Variants in VPS45 observed in about 807,000 individuals in gnomAD.
VPS45 encodes the protein vacuolar protein sorting 45 homolog.
VPS45 carries 35 observed loss-of-function variants against 75.9 expected under a neutral mutation model. That is an observed-to-expected ratio of 0.46 (90% CI 0.35 to 0.61). VPS45 has a LOEUF of 0.61. Among genes scored for constraint, VPS45 ranks in the 20% least tolerant of loss-of-function variants. The pLI, the probability that VPS45 is intolerant of heterozygous loss-of-function variation, is 0.00. For synonymous variants in VPS45, 220 were observed against 238.2 expected, an observed-to-expected ratio of 0.92 and a Z score of 0.70; for missense variants, 559 against 685.9, an observed-to-expected ratio of 0.81 and a Z score of 2.07.
chr1:150,112,506 C>CAGAAATATTACAGTG (rs1559929602), intron 14 of VPS45, among the ~76,000 whole-genome samples: 3 of 152,262 alleles, frequency 2.0e-5, no homozygotes, highest in Admixed American at 2.0e-4. Context: ...ATAACTTCTA[C>CAGAAATATTACAGTG]AGAAATATTA....
intron 10 of VPS45, among the ~76,000 whole-genome samples, chr1:150,085,029 G>A (rs1655929472): frequency 1.3e-5 from 2 of 152,032 alleles, no homozygotes; most frequent in African/African-American, 4.8e-5. Flanking sequence ...AGAACCTAAA[G>A]TCGCATTCTT....
At chr1:150,108,613 A>T (rs782641140) in intron 13 of VPS45, among the ~76,000 whole-genome samples, 3 of 152,142 alleles carry the variant, frequency 2.0e-5, no homozygotes. Context: ...GAAAAAATCA[A>T]ATATGAAATT....
At chr1:150,099,519 A>AC (rs1262081652) in intron 13 of VPS45, among the ~76,000 whole-genome samples, 3,229 of 149,652 alleles carry the variant, frequency 0.022, 99 homozygotes, top group African/African-American at 0.075. Context: ...TAAAAAAAAA[A>AC]ACACCTCTCA....
chr1:150,102,956 C>T (rs1267815635), intron 13 of VPS45, among the ~76,000 whole-genome samples: 1 of 152,068 alleles, frequency 6.6e-6, no homozygotes, highest in Non-Finnish European at 1.5e-5. Flanking sequence ...ATATGTATGA[C>T]AAACCGCCGT....
At chr1:150,112,906 T>C (rs1246356875) in intron 14 of VPS45, among the ~76,000 whole-genome samples, 4 of 152,102 alleles carry the variant, frequency 2.6e-5, no homozygotes, top group African/African-American at 7.2e-5. Flanking sequence ...AAGAGATGCA[T>C]AGGGCAAGGT....
At chr1:150,128,742 C>CT (rs1428810427) in intron 14 of VPS45, among the ~76,000 whole-genome samples, 147,839 of 148,478 alleles carry the variant, frequency 1, 73,603 homozygotes, top group Non-Finnish European at 1. Context: ...GATTTTCTTT[C>CT]TTTTTTTTTT....
intron 1 of VPS45, chr1:150,068,337 A>G (rs1553796278): frequency 5.4e-6 from 2 of 368,608 alleles, no homozygotes; most frequent in African/African-American, 4.2e-5. Flanking sequence ...GCCACAGACC[A>G]GAAAACAAAA....
intron 13 of VPS45, chr1:150,109,087 G>GCA (rs1657498126): frequency 6.6e-6 from 1 of 152,148 alleles, no homozygotes; most frequent in Non-Finnish European, 1.5e-5. Flanking sequence ...GCTGGAGTAT[G>GCA]GTGGCACGAT....
At chr1:150,074,355 G>A (rs1430866823) in intron 3 of VPS45, among the ~76,000 whole-genome samples, 1 of 151,428 alleles carries the variant, frequency 6.6e-6, no homozygotes, top group Non-Finnish European at 1.5e-5. Flanking sequence ...TTCCTCCTTT[G>A]AGCTGGAACT....
At position 150,081,393 on chromosome 1, in the gene VPS45, A is replaced by G. The variant is rs1553799320; in HGVS notation, c.739A>G (p.Ile247Val). The G allele has an allele frequency of 3.7e-6, 6 of 1,608,858 alleles. No homozygotes were observed. The South Asian group carries it at 6.7e-5, about 18-fold the overall frequency. ...HELLGINNNR[I>V]DLSRVPGISK... The stretch of plus-strand genomic sequence containing the variant: ...ACTACTAGGCATAAACAACAATCGG[A>G]TTGATCTTTCCAGAGTGCCGGGAAT... The change falls in exon 8 of 15, where the codon ATT (isoleucine) becomes GTT (valine). Residue 247 changes from isoleucine (I) to valine (V), a missense_variant. By Grantham distance (29) the Ile-to-Val change is conservative. Coordinates refer to ENST00000644510, the MANE Select transcript of VPS45 (RefSeq NM_007259.5).
At chr1:150,127,554 C>A (rs1192042861) in intron 14 of VPS45, among the ~76,000 whole-genome samples, 3 of 152,212 alleles carry the variant, frequency 2.0e-5, no homozygotes, top group Non-Finnish European at 4.4e-5. Context: ...TCCCAAATTG[C>A]TGGGATTACT....
chr1:150,093,551 C>T lies in VPS45; in HGVS notation c.1396C>T (p.His466Tyr), dbSNP rs1656458094. The T allele has an allele frequency of 1.2e-6, 2 of 1,613,786 alleles. No individual in the cohort carries two copies. The highest frequency in any genetic ancestry group is 1.7e-5 in the Admixed American group (1 of 59,992). ...LKGVENVYTQ[H>Y]QPFLHETLDH... Reference sequence around the variant, plus strand: ...GGGAGTAGAAAATGTATATACACAGCATCAACCTTTCCTACATGAAACCCT... The same window carrying T: ...GGGAGTAGAAAATGTATATACACAGTATCAACCTTTCCTACATGAAACCCT... Residue 466 changes from histidine to tyrosine, a missense_variant, in exon 13 of 15, where the codon CAT becomes TAT. Physicochemically the swap from His to Tyr is moderately conservative, Grantham distance 83. Coordinates refer to ENST00000644510, the MANE Select transcript of VPS45 (RefSeq NM_007259.5).
intron 14 of VPS45, among the ~76,000 whole-genome samples, chr1:150,130,050 G>T (rs1658745486): frequency 6.6e-6 from 1 of 151,546 alleles, no homozygotes; most frequent in Non-Finnish European, 1.5e-5. Context: ...ATTTATTTGA[G>T]ATGGAGTCTC....
intron 14 of VPS45, among the ~76,000 whole-genome samples, chr1:150,124,033 G>T (rs1553810151): frequency 6.6e-6 from 1 of 152,054 alleles, no homozygotes; most frequent in East Asian, 1.9e-4. Context: ...GCCCTCATTA[G>T]CTATAAACCT....
In VPS45 at chr1:150,105,405, A is replaced by G. The variant is rs587607004; in HGVS notation, c.1494-5091A>G. On this transcript the variant is annotated intron_variant, in intron 13 of 14. Transcript: ENST00000644510. ...CCTCTAGAAGATTCCTAGACTTGAT[A>G]AGTGATTTCATTAAAGTCTCAGGAT... 2.0e-5 allele frequency among the ~76,000 whole-genome samples: 3 copies of G among 152,354 alleles called. No homozygotes were observed. The South Asian group carries it at 6.2e-4, about 32-fold the overall frequency.
At chr1:150,092,276 C>T (rs782120131) in intron 11 of VPS45, 26 bp from the exon 12 acceptor site, 1 of 1,606,502 alleles carries the variant, frequency 6.2e-7, no homozygotes, top group Non-Finnish European at 8.5e-7. Context: ...CCTAAGCAAT[C>T]AAAATTTGCT....
At chr1:150,074,219 G>A (rs972687685) in intron 3 of VPS45, among the ~76,000 whole-genome samples, 6 of 151,588 alleles carry the variant, frequency 4.0e-5, no homozygotes, top group Admixed American at 6.6e-5. Flanking sequence ...GGGTTTCACC[G>A]TGTTGGTTGT....
chr1:150,074,365 T>A (rs1275319520), intron 3 of VPS45, among the ~76,000 whole-genome samples: 1 of 151,332 alleles, frequency 6.6e-6, no homozygotes, highest in Admixed American at 6.6e-5. Context: ...GAGCTGGAAC[T>A]GCAAAAAAAA....
intron 10 of VPS45, among the ~76,000 whole-genome samples, chr1:150,088,475 C>CTTTTTTTTTT (rs1312269902): frequency 4.6e-5 from 4 of 87,876 alleles, no homozygotes; most frequent in Admixed American, 1.8e-4. Flanking sequence ...TTTCTTTTCC[C>CTTTTTTTTTT]TTTTTTCTTT....
Sources: allele counts gnomAD v4.1 joint callset (sites outside exome capture counted in the v4.1 genomes callset), GRCh38; gene constraint gnomAD v4.1.1; transcripts MANE v1.5; gene names NCBI Gene and HGNC (gene_info 2026-07-23, HGNC 2026-07-21).